Variants in QDPR observed in about 807,000 individuals in gnomAD.
The protein encoded by QDPR is quinoid dihydropteridine reductase.
Under a neutral mutation model 31.7 loss-of-function variants are expected in QDPR, and 23 were observed. That is an observed-to-expected ratio of 0.73 (90% CI 0.52 to 1.03). The LOEUF (loss-of-function observed/expected upper bound fraction) is 1.03. QDPR is among the 50% of genes least tolerant of loss of function. QDPR has a pLI of 0.00. For synonymous variants in QDPR, 124 were observed against 124.7 expected, an observed-to-expected ratio of 0.99 and a Z score of 0.03; for missense variants, 324 against 323.8, an observed-to-expected ratio of 1.00 and a Z score of 0.00.
At position 17,492,269 on chromosome 4, in the gene QDPR, C is replaced by G; in HGVS notation, c.508G>C (p.Gly170Arg). Residue 170 changes from glycine (G) to arginine (R), a missense_variant, in exon 5 of 7, where the codon GGC becomes CGC. Gly to Arg is a moderately radical substitution (Grantham distance 125). Coordinates refer to ENST00000281243, the MANE Select transcript of QDPR (RefSeq NM_000320.3). ...LCQSLAGKNSGMPPGAAAIAV... is the reference protein window; with the variant it reads ...LCQSLAGKNSRMPPGAAAIAV... ...ATGGCGGCTGCCCCGGGCGGCATGCCGCTGTTCTTCCCAGCCAGGCTCTGG... is the reference window on the plus strand; with the variant it reads ...ATGGCGGCTGCCCCGGGCGGCATGCGGCTGTTCTTCCCAGCCAGGCTCTGG... 1.9e-6 allele frequency: 3 copies of G among 1,614,090 alleles called. No homozygotes were observed. The highest frequency in any genetic ancestry group is 2.5e-6 in the Non-Finnish European group (3 of 1,180,012).
Position 17,487,267 on chromosome 4 carries a change from T to C in QDPR, c.630-31A>G, listed in dbSNP as rs750011972. 4 of 1,578,276 alleles carry C rather than the reference T, an allele frequency of 2.5e-6. No individual in the cohort carries two copies. In the Admixed American group the frequency reaches 6.7e-5, roughly 26 times the overall value. On this transcript the variant is annotated intron_variant, in intron 6 of 6. Transcript: ENST00000281243. ...ACAGAAAATAAAAGTTTTTTTTATA[T>C]TCTCAAAGCAAAAATCTGGGCACAT...
chr4:17,511,167 C>G (rs1718992030), intron 1 of QDPR, among the ~76,000 whole-genome samples: 1 of 152,154 alleles, frequency 6.6e-6, no homozygotes, highest in Non-Finnish European at 1.5e-5. Flanking sequence ...ACTAAGCTCC[C>G]AGAACGCTGC....
chr4:17,510,826 T>A (rs954256405), intron 1 of QDPR, among the ~76,000 whole-genome samples: 2 of 152,154 alleles, frequency 1.3e-5, no homozygotes, highest in Non-Finnish European at 2.9e-5. Context: ...CCACCATGCA[T>A]CTCTGAAGAC....
rs746087606 is a variant in QDPR at position 17,487,213 on chromosome 4, C to CATGA, written c.652_653insTCAT (p.Gly218ValfsTer66). 6.2e-7 allele frequency: 1 copy of CATGA among 1,614,060 alleles called. No homozygotes were observed. The highest frequency in any genetic ancestry group is 8.5e-7 in the Non-Finnish European group (1 of 1,179,994). ...GCTTCCTGAGCTCGGTCGGTTTTTCCCTGTGATCCAGTCATGGAAAGTTCT... is the reference window on the plus strand; with the variant it reads ...GCTTCCTGAGCTCGGTCGGTTTTTCCATGACTGTGATCCAGTCATGGAAAGTTCT... On this transcript the variant is annotated frameshift_variant, in exon 7 of 7. Coordinates refer to ENST00000281243, the MANE Select transcript of QDPR (RefSeq NM_000320.3). LOFTEE classifies it high-confidence loss of function.
chr4:17,489,627 G>C (rs934700549), intron 6 of QDPR, among the ~76,000 whole-genome samples: 1 of 152,098 alleles, frequency 6.6e-6, no homozygotes, highest in African/African-American at 2.4e-5. Context: ...ATCCCTCCAA[G>C]TCTCTAAGCC....
In QDPR at chr4:17,512,071, C is replaced by A. The variant is rs560782260; in HGVS notation, c.-17G>T. ...CGCCGCCATCCTGCTCCTGCCAGCC[C>A]GGCTCCCGCAGCTCCGAATGCCTCG... On this transcript the variant is annotated 5_prime_UTR_variant, in exon 1 of 7. Transcript: ENST00000281243. 11 of 1,574,864 alleles carry A rather than the reference C, an allele frequency of 7.0e-6. No individual in the cohort carries two copies. Among genetic ancestry groups the A allele is most frequent in the African/African-American group, 4.1e-5 (3 of 72,494 alleles).
chr4:17,490,754 G>T lies in QDPR; in HGVS notation c.546-9C>A, dbSNP rs764033550. The T allele has an allele frequency of 1.9e-6, 3 of 1,609,972 alleles. No individual in the cohort carries two copies. In the Admixed American group the frequency reaches 5.0e-5, roughly 27 times the overall value. Reference sequence around the variant, plus strand: ...GGGTATCCAGGGTAACCCTGCAATGGACACAGATAAGCACGTCATTCATGT... The same window carrying T: ...GGGTATCCAGGGTAACCCTGCAATGTACACAGATAAGCACGTCATTCATGT... On this transcript the variant is annotated splice_polypyrimidine_tract_variant and intron_variant, in intron 5 of 6. Coordinates refer to ENST00000281243, the MANE Select transcript of QDPR (RefSeq NM_000320.3).
intron 6 of QDPR, 127 bp downstream of exon 6, chr4:17,490,535 T>A: frequency 4.1e-6 from 3 of 735,454 alleles, no homozygotes; most frequent in Non-Finnish European, 7.3e-6. Flanking sequence ...ATCCTCAGAG[T>A]CCCAGAGACC....
intron 1 of QDPR, among the ~76,000 whole-genome samples, chr4:17,511,726 G>A (rs1486592311): frequency 2.0e-5 from 3 of 152,136 alleles, no homozygotes; most frequent in Non-Finnish European, 4.4e-5. Flanking sequence ...GGAGGCCCAC[G>A]GAGCACCTCC....
intron 3 of QDPR, among the ~76,000 whole-genome samples, chr4:17,503,526 C>A (rs908475805): frequency 2.0e-5 from 3 of 151,466 alleles, no homozygotes; most frequent in African/African-American, 7.3e-5. Context: ...AGTACACAGG[C>A]ACAAGAAAAC....
chr4:17,492,205 A>C, intron 5 of QDPR, 27 bp downstream of exon 5: 1 of 1,595,422 alleles, frequency 6.3e-7, no homozygotes, highest in Non-Finnish European at 8.6e-7. Flanking sequence ...AGAGGTGGGC[A>C]GCAGCCAGGG....
intron 2 of QDPR, 53 bp from the exon 3 acceptor site, chr4:17,504,528 C>T: frequency 2.8e-6 from 4 of 1,413,462 alleles, no homozygotes; most frequent in Non-Finnish European, 4.0e-6. Context: ...CCAACACAGG[C>T]TAGCATCTTT....
chr4:17,511,423 T>C (rs1446510051), intron 1 of QDPR, among the ~76,000 whole-genome samples: 1 of 152,228 alleles, frequency 6.6e-6, no homozygotes, highest in Non-Finnish European at 1.5e-5. Flanking sequence ...GTAACATTAA[T>C]AGACAGCATT....
intron 3 of QDPR, among the ~76,000 whole-genome samples, 193 bp downstream of exon 3, chr4:17,504,186 C>T (rs751576414): frequency 2.0e-5 from 3 of 152,166 alleles, no homozygotes; most frequent in South Asian, 2.1e-4. Flanking sequence ...CGTCCCCTCA[C>T]GTCCTCCAGG....
At chr4:17,502,210 C>T (rs1345741386) in intron 3 of QDPR, among the ~76,000 whole-genome samples, 6 of 152,146 alleles carry the variant, frequency 3.9e-5, no homozygotes, top group African/African-American at 7.2e-5. Flanking sequence ...TATATGTCTA[C>T]GTCAGGTTTT....
At chr4:17,511,048 T>C (rs542553304) in intron 1 of QDPR, among the ~76,000 whole-genome samples, 1 of 152,372 alleles carries the variant, frequency 6.6e-6, no homozygotes, top group South Asian at 2.1e-4. Context: ...ACTGTACTTT[T>C]GCCCCCTTCA....
intron 6 of QDPR, among the ~76,000 whole-genome samples, chr4:17,488,227 C>T (rs998009929): frequency 6.6e-6 from 1 of 151,748 alleles, no homozygotes; most frequent in Non-Finnish European, 1.5e-5. Flanking sequence ...TGACACTGCA[C>T]TCCAGCCTGG....
chr4:17,497,322 T>TTA (rs939722454), intron 4 of QDPR, among the ~76,000 whole-genome samples: 1 of 152,120 alleles, frequency 6.6e-6, no homozygotes, highest in African/African-American at 2.4e-5. Context: ...TGCCTTGTCT[T>TTA]TTCCCATAAG....
rs7660043 is a variant in QDPR at position 17,490,939 on chromosome 4, A to G, written c.546-194T>C. The stretch of plus-strand genomic sequence containing the variant: ...GAGCAGGAAGCTGTCCCCGCTAGCA[A>G]AGGCCAGATCTGAGCATAATTCAAT... On this transcript the variant is annotated intron_variant, in intron 5 of 6. Transcript: ENST00000281243. Among the ~76,000 whole-genome samples the G allele has an allele frequency of 0.035, 5,367 of 152,284 alleles. 124 individuals are homozygous for G. Among genetic ancestry groups the G allele is most frequent in the East Asian group, 0.06 (312 of 5,180 alleles).
Sources: gnomAD v4.1 joint callset for allele counts (sites outside exome capture counted in the v4.1 genomes callset) on GRCh38, gnomAD v4.1.1 for gene constraint, MANE v1.5 for transcripts, NCBI Gene and HGNC (gene_info 2026-07-23, HGNC 2026-07-21) for gene names.